Variants in KLF3 observed in about 807,000 individuals in gnomAD.
KLF3 encodes Krueppel-like factor 3.
Under a neutral mutation model 32.7 loss-of-function variants are expected in KLF3, and 6 were observed. The observed-to-expected ratio is 0.18, with a 90% CI of 0.10 to 0.36. KLF3 has a LOEUF of 0.36. Among genes scored for constraint, KLF3 ranks in the 10% least tolerant of loss-of-function variants. KLF3 has a pLI of 1.00. For synonymous variants in KLF3, 145 were observed against 172.8 expected, an observed-to-expected ratio of 0.84 and a Z score of 1.26; for missense variants, 338 against 449.7, an observed-to-expected ratio of 0.75 and a Z score of 2.25.
rs1560419125 is a variant in KLF3, at chr4:38,689,726, T to C, written c.545-3T>C. ...AAGTGACTTTTCTATTTTTATTTTT[T>C]AGTACCTGTAATTGAATCATATGAG... On this transcript the variant is annotated splice_polypyrimidine_tract_variant and splice_region_variant and intron_variant, in intron 3 of 5. Coordinates refer to ENST00000261438, the MANE Select transcript of KLF3 (RefSeq NM_016531.6). The C allele has an allele frequency of 6.4e-7, 1 of 1,571,070 alleles. No homozygotes were observed.
At chr4:38,684,739 A>G (rs1288407208) in intron 2 of KLF3, among the ~76,000 whole-genome samples, 1 of 151,634 alleles carries the variant, frequency 6.6e-6, no homozygotes, top group African/African-American at 2.4e-5. Context: ...TTTTTTCTGT[A>G]GAGACAGGAT....
At chr4:38,695,585 T>C (rs1723025318) in intron 5 of KLF3, among the ~76,000 whole-genome samples, 1 of 152,140 alleles carries the variant, frequency 6.6e-6, no homozygotes, top group Admixed American at 6.5e-5. Flanking sequence ...CAAAAATGTT[T>C]TAACAGCCAG....
intron 4 of KLF3, 173 bp downstream of exon 4, chr4:38,690,052 A>C: frequency 1.9e-6 from 1 of 540,506 alleles, no homozygotes; most frequent in Non-Finnish European, 3.2e-6. Context: ...TCTCTCCAAA[A>C]ACAATATGCT....
intron 2 of KLF3, among the ~76,000 whole-genome samples, chr4:38,684,851 T>C (rs1187766618): frequency 6.6e-6 from 1 of 152,170 alleles, no homozygotes; most frequent in Admixed American, 6.5e-5. Flanking sequence ...CCACCATGCC[T>C]GGCCCAGCCC....
At chr4:38,693,911 T>C (rs1019432291) in intron 4 of KLF3, among the ~76,000 whole-genome samples, 2 of 152,210 alleles carry the variant, frequency 1.3e-5, no homozygotes, top group Non-Finnish European at 2.9e-5. Flanking sequence ...TAACAGGATT[T>C]GGTTTCTAAT....
intron 2 of KLF3, among the ~76,000 whole-genome samples, chr4:38,685,930 C>T (rs989702822): frequency 1.3e-5 from 2 of 152,194 alleles, no homozygotes; most frequent in African/African-American, 4.8e-5. Flanking sequence ...CCTTGTGCCT[C>T]TTTTAATAAT....
intron 1 of KLF3, among the ~76,000 whole-genome samples, chr4:38,670,594 T>G (rs898063344): frequency 3.3e-5 from 5 of 152,238 alleles, no homozygotes; most frequent in African/African-American, 1.2e-4. Flanking sequence ...CTTCCAAAGC[T>G]TCACACTCCA....
At chr4:38,683,868 C>G (rs1332096770) in intron 2 of KLF3, among the ~76,000 whole-genome samples, 2 of 152,160 alleles carry the variant, frequency 1.3e-5, no homozygotes, top group African/African-American at 2.4e-5. Context: ...TTCCTCTGCT[C>G]TTTTCTAACA....
intron 1 of KLF3, among the ~76,000 whole-genome samples, chr4:38,677,566 C>T (rs1332785771): frequency 6.6e-6 from 1 of 152,162 alleles, no homozygotes; most frequent in African/African-American, 2.4e-5. Flanking sequence ...GGTCGTAAAG[C>T]GTGCAGGATG....
Position 38,701,292 on chromosome 4 carries a change from A to C in KLF3, c.*4029A>C, listed in dbSNP as rs1723184856. Among the ~76,000 whole-genome samples the C allele has an allele frequency of 6.6e-6, 1 of 152,246 alleles. No homozygotes were observed. Among genetic ancestry groups the C allele is most frequent in the Admixed American group, 6.5e-5 (1 of 15,278 alleles). On this transcript the variant is annotated 3_prime_UTR_variant, in exon 6 of 6. Transcript: ENST00000261438. Reference sequence around the variant, plus strand: ...ATCATAAAACTGCAGACAATCCAGCAAAAATCTACAAACTCACCTAGTTCA... The same window carrying C: ...ATCATAAAACTGCAGACAATCCAGCCAAAATCTACAAACTCACCTAGTTCA...
chr4:38,688,512 T>A lies in KLF3; in HGVS notation c.58-73T>A. On this transcript the variant is annotated intron_variant, in intron 2 of 5. Transcript: ENST00000261438. This position sits in a 1 kb window ranked among gnomAD's most constrained non-coding sequence, Gnocchi z 4.9. Reference sequence around the variant, plus strand: ...AATTGTTAAGTGCCTTGTTAGCATATTTTTCTTAATTCATGTTTCAAGTAA... The same window carrying A: ...AATTGTTAAGTGCCTTGTTAGCATAATTTTCTTAATTCATGTTTCAAGTAA... 1 of 1,425,930 alleles carries A rather than the reference T, an allele frequency of 7.0e-7. No homozygotes were observed. Among genetic ancestry groups the A allele is most frequent in the Non-Finnish European group, 9.5e-7 (1 of 1,054,594 alleles). 88.3% of individuals were successfully genotyped at this position (1,425,930 alleles called of 1,614,324 possible). A position where few individuals can be genotyped will look rare whatever the true frequency, so the allele number is the denominator to read the frequency against.
rs1027925194 is a variant in KLF3, at chr4:38,688,397, A to C, written c.58-188A>C. Among the ~76,000 whole-genome samples, 1 of 152,218 alleles carries C rather than the reference A, an allele frequency of 6.6e-6. No homozygotes were observed. Among genetic ancestry groups the C allele is most frequent in the South Asian group, 2.1e-4 (1 of 4,834 alleles). ...TTTAATATTTTTGAGACCGCCTCTC[A>C]TAGCATTTTTAATGTTGAGACCACC... On this transcript the variant is annotated intron_variant, in intron 2 of 5. Transcript: ENST00000261438. The surrounding 1 kb of genome is among the most constrained non-coding windows in gnomAD (Gnocchi z 4.9).
chr4:38,696,841 G>A (rs1254826873), intron 5 of KLF3, among the ~76,000 whole-genome samples: 1 of 149,170 alleles, frequency 6.7e-6, no homozygotes, highest in Non-Finnish European at 1.5e-5. Context: ...GGATTTCAGT[G>A]ACTCTGTGTT....
chr4:38,673,681 G>A (rs1343309091), intron 1 of KLF3, among the ~76,000 whole-genome samples: 2 of 152,042 alleles, frequency 1.3e-5, no homozygotes, highest in African/African-American at 2.4e-5. Flanking sequence ...GGGTGTCCCC[G>A]CCCCCAGCCC....
Position 38,701,490 on chromosome 4 carries a change from T to C in KLF3, c.*4227T>C, listed in dbSNP as rs1483658678. 2.0e-5 allele frequency among the ~76,000 whole-genome samples: 3 copies of C among 152,206 alleles called. No homozygotes were observed. Among genetic ancestry groups the C allele is most frequent in the African/African-American group, 7.2e-5 (3 of 41,448 alleles). On this transcript the variant is annotated 3_prime_UTR_variant, in exon 6 of 6. Transcript: ENST00000261438. ...AACGAGGAACAGAACAATAACGCAT[T>C]AAAGTAAATAACTCTGGATAAAAGT...
chr4:38,668,546 CCTT>C (rs761071231), intron 1 of KLF3, among the ~76,000 whole-genome samples: 3 of 151,974 alleles, frequency 2.0e-5, no homozygotes, highest in African/African-American at 7.3e-5. Flanking sequence ...CTACTGATAA[CCTT>C]CTATGAAAAA....
rs182170632 is a variant in KLF3 at position 38,678,638 on chromosome 4, T to C, written c.-39-1949T>C. Reference sequence around the variant, plus strand: ...AAGCACAAGAACGACATAGTATCACTTCCATCATTGTATATGAAGATATCT... The same window carrying C: ...AAGCACAAGAACGACATAGTATCACCTCCATCATTGTATATGAAGATATCT... On this transcript the variant is annotated intron_variant, in intron 1 of 5. Transcript: ENST00000261438. 3.1e-3 allele frequency among the ~76,000 whole-genome samples: 478 copies of C among 152,296 alleles called. 8 individuals carry two copies. The highest frequency in any genetic ancestry group is 5.4e-4 in the Non-Finnish European group (37 of 68,034).
chr4:38,688,609 T>C lies in KLF3; in HGVS notation c.82T>C (p.Ser28Pro). 1 of 1,606,534 alleles carries C rather than the reference T, an allele frequency of 6.2e-7. No individual in the cohort carries two copies. Among genetic ancestry groups the C allele is most frequent in the Non-Finnish European group, 8.5e-7 (1 of 1,173,786 alleles). The change falls in exon 3 of 6, where the codon TCC becomes CCC. Residue 28 changes from serine (S) to proline (P), a missense_variant. Around this residue, in one of 2 missense-constraint regions of KLF3, gnomAD observed 272 missense variants for 313.4 expected, o/e 0.87. Coordinates refer to ENST00000261438, the MANE Select transcript of KLF3 (RefSeq NM_016531.6). This position sits in a 1 kb window ranked among gnomAD's most constrained non-coding sequence, Gnocchi z 4.9. The part of the protein sequence containing the change: ...SVSYPSNYME[S>P]MKPNKYGVIY... ...GTCATACCCATCTAATTACATGGAA[T>C]CCATGAAGCCTAACAAGTATGGGGT...
In KLF3 at chr4:38,688,406, T is replaced by G. The variant is rs1439010458; in HGVS notation, c.58-179T>G. ...TTTGAGACCGCCTCTCATAGCATTT[T>G]TAATGTTGAGACCACCTCTTTGAGC... On this transcript the variant is annotated intron_variant, in intron 2 of 5. Coordinates refer to ENST00000261438, the MANE Select transcript of KLF3 (RefSeq NM_016531.6). This position sits in a 1 kb window ranked among gnomAD's most constrained non-coding sequence, Gnocchi z 4.9. Among the ~76,000 whole-genome samples the G allele has an allele frequency of 6.6e-6, 1 of 152,242 alleles. No homozygotes were observed. Among genetic ancestry groups the G allele is most frequent in the Non-Finnish European group, 1.5e-5 (1 of 68,038 alleles).
Sources: gnomAD v4.1 joint callset for allele counts (sites outside exome capture counted in the v4.1 genomes callset) on GRCh38, gnomAD v4.1.1 for gene constraint, gnomAD v4.1.1 regional missense constraint, Gnocchi (gnomAD v3.1) non-coding constraint, MANE v1.5 for transcripts, NCBI Gene and HGNC (gene_info 2026-07-23, HGNC 2026-07-21) for gene names.